Variants in CAMK1D observed in about 807,000 individuals in gnomAD.
CAMK1D encodes the protein calcium/calmodulin dependent protein kinase ID.
In CAMK1D, 9 loss-of-function variants were observed where a neutral mutation model predicts 47.7. The observed-to-expected ratio is 0.19, with a 90% CI of 0.11 to 0.33. CAMK1D has a LOEUF of 0.33. CAMK1D is among the 10% of genes least tolerant of loss of function. CAMK1D has a pLI of 1.00. For missense variants in CAMK1D, 291 were observed against 488.7 expected (o/e 0.60, Z 3.81); for synonymous variants, 184 against 184.9 (o/e 0.99, Z 0.04).
chr10:12,383,693 C>T (rs1218244052), intron 1 of CAMK1D, among the ~76,000 whole-genome samples: 1 of 152,170 alleles, frequency 6.6e-6, no homozygotes, highest in African/African-American at 2.4e-5. Flanking sequence ...ATGGACATAA[C>T]AGCAAAATAA....
At chr10:12,814,098 T>G in intron 6 of CAMK1D, 97 bp from the exon 7 acceptor site, 1 of 811,130 alleles carries the variant, frequency 1.2e-6, no homozygotes, top group Non-Finnish European at 2.1e-6. Context: ...CAGATTTTCT[T>G]AACTCAGTTG....
At position 12,389,803 on chromosome 10, in the gene CAMK1D, G is replaced by A. The variant is rs537252776; in HGVS notation, c.92+39893G>A. On this transcript the variant is annotated intron_variant, in intron 1 of 10. Coordinates refer to ENST00000619168, the MANE Select transcript of CAMK1D (RefSeq NM_153498.4). ...GGGGAATAGGATTGAGAGCAAAATG[G>A]TCACAAAATCTGTGGCTTTGGATTG... Among the ~76,000 whole-genome samples, 10 of 152,184 alleles carry A rather than the reference G, an allele frequency of 6.6e-5. No homozygotes were observed. The South Asian group carries it at 2.1e-3, about 32-fold the overall frequency.
intron 3 of CAMK1D, among the ~76,000 whole-genome samples, chr10:12,748,214 C>T (rs141968266): frequency 6.6e-6 from 1 of 152,290 alleles, no homozygotes; most frequent in Non-Finnish European, 1.5e-5. Context: ...TGTTCAAAAG[C>T]AAGCATGCTT....
chr10:12,694,687 C>G (rs966027357), intron 3 of CAMK1D, among the ~76,000 whole-genome samples: 3 of 148,644 alleles, frequency 2.0e-5, no homozygotes, highest in South Asian at 2.1e-4. Flanking sequence ...TGAAAGACTC[C>G]TAAACTGCCA....
intron 1 of CAMK1D, among the ~76,000 whole-genome samples, chr10:12,416,544 C>T (rs1332439498): frequency 2.6e-5 from 4 of 152,172 alleles, no homozygotes; most frequent in East Asian, 3.8e-4. Flanking sequence ...TATAAACTGT[C>T]GGATGGGGCC....
intron 2 of CAMK1D, among the ~76,000 whole-genome samples, chr10:12,607,002 A>G (rs1588684093): frequency 1.3e-5 from 2 of 151,968 alleles, no homozygotes; most frequent in Middle Eastern, 6.8e-3. Context: ...TAATTTTTGT[A>G]TTTTTAGTAG....
At chr10:12,733,265 C>T (rs1449464373) in intron 3 of CAMK1D, among the ~76,000 whole-genome samples, 2 of 152,210 alleles carry the variant, frequency 1.3e-5, no homozygotes, top group Non-Finnish European at 2.9e-5. Flanking sequence ...GATATTCTAA[C>T]AGCTGAGAGA....
intron 2 of CAMK1D, among the ~76,000 whole-genome samples, chr10:12,571,962 T>C (rs920221017): frequency 5.9e-5 from 9 of 152,056 alleles, no homozygotes; most frequent in South Asian, 2.1e-4. Context: ...TGTAAGCACA[T>C]GTATCCTAAC....
At chr10:12,494,390 A>G (rs1834474030) in intron 1 of CAMK1D, among the ~76,000 whole-genome samples, 1 of 152,056 alleles carries the variant, frequency 6.6e-6, no homozygotes, top group South Asian at 2.1e-4. Flanking sequence ...ATGCATGCTA[A>G]TTTTTAATAT....
chr10:12,632,992 TGA>T (rs1363927183), intron 2 of CAMK1D, among the ~76,000 whole-genome samples: 1 of 152,152 alleles, frequency 6.6e-6, no homozygotes. Context: ...GGCGCCTGGC[TGA>T]GTGTCCTGTC....
Position 12,349,784 on chromosome 10 carries a change from C to T in CAMK1D, c.-35C>T, listed in dbSNP as rs369478542. ...CCCCCGGCGCCCCCTCCCCAGCGCGCCCCCGGCCGCTCCTCCGCGCCGCGC... is the reference window on the plus strand; with the variant it reads ...CCCCCGGCGCCCCCTCCCCAGCGCGTCCCCGGCCGCTCCTCCGCGCCGCGC... On this transcript the variant is annotated 5_prime_UTR_variant, in exon 1 of 11. Transcript: ENST00000619168. 29 of 1,222,458 alleles carry T rather than the reference C, an allele frequency of 2.4e-5. No homozygotes were observed. The African/African-American group carries it at 3.5e-4, about 15-fold the overall frequency. The allele number at this position is 1,222,458 out of a possible 1,614,324, so 75.7% of individuals were successfully genotyped here.
At chr10:12,490,713 C>A (rs1199728851) in intron 1 of CAMK1D, among the ~76,000 whole-genome samples, 1 of 152,066 alleles carries the variant, frequency 6.6e-6, no homozygotes, top group Non-Finnish European at 1.5e-5. Flanking sequence ...GGTGTGGTGG[C>A]ACATGCCTGT....
At chr10:12,501,664 CAG>C (rs1834707634) in intron 1 of CAMK1D, among the ~76,000 whole-genome samples, 1 of 151,998 alleles carries the variant, frequency 6.6e-6, no homozygotes, top group Non-Finnish European at 1.5e-5. Context: ...TTTTTCCCGC[CAG>C]GGGACATTTG....
chr10:12,749,013 A>C (rs1835805829), intron 3 of CAMK1D, among the ~76,000 whole-genome samples: 1 of 152,120 alleles, frequency 6.6e-6, no homozygotes, highest in Non-Finnish European at 1.5e-5. Flanking sequence ...TGTTTCTACA[A>C]TTACTTTAAT....
intron 1 of CAMK1D, among the ~76,000 whole-genome samples, chr10:12,369,229 T>G (rs551659313): frequency 1.5e-4 from 23 of 152,196 alleles, no homozygotes; most frequent in African/African-American, 5.3e-4. Flanking sequence ...GACGAGAAAC[T>G]CAGGAAGATG....
chr10:12,574,199 C>A (rs577829455), intron 2 of CAMK1D, among the ~76,000 whole-genome samples: 16 of 152,282 alleles, frequency 1.1e-4, no homozygotes, highest in African/African-American at 3.8e-4. Flanking sequence ...CCCTGTTGAC[C>A]ACTTCTTGAC....
intron 1 of CAMK1D, among the ~76,000 whole-genome samples, chr10:12,509,415 C>G (rs949193765): frequency 3.9e-5 from 6 of 152,208 alleles, no homozygotes; most frequent in East Asian, 1.9e-4. Context: ...TGATGCCACT[C>G]TTTTCTGCCA....
At position 12,816,299 on chromosome 10, in the gene CAMK1D, C is replaced by T. The variant is rs776291483; in HGVS notation, c.804C>T (p.Tyr268=). The change falls in exon 8 of 11, where the codon TAC becomes TAT. Residue 268 remains tyrosine, a synonymous_variant. Transcript: ENST00000619168. ...TGGAGAAGGACCCGAATAAAAGATA[C>T]ACGTGTGAGCAGGCAGCTCGGCACC... ...NLMEKDPNKR[Y]TCEQAARHPW... is the part of the protein sequence containing the mutation. 5 of 1,613,704 alleles carry T rather than the reference C, an allele frequency of 3.1e-6. No homozygotes were observed. The highest frequency in any genetic ancestry group is 2.2e-5 in the South Asian group (2 of 90,976).
chr10:12,772,734 A>G (rs897665731), intron 5 of CAMK1D, among the ~76,000 whole-genome samples: 2 of 152,166 alleles, frequency 1.3e-5, no homozygotes, highest in African/African-American at 2.4e-5. Context: ...GTGAGATACC[A>G]GGTTGTCCTG....
Sources: gnomAD v4.1 joint callset for allele counts (sites outside exome capture counted in the v4.1 genomes callset) on GRCh38, gnomAD v4.1.1 for gene constraint, MANE v1.5 for transcripts, NCBI Gene and HGNC (gene_info 2026-07-23, HGNC 2026-07-21) for gene names.